The following USP15 variants were observed in gnomAD, a reference collection of about 807,000 sequenced individuals.
The protein encoded by USP15 is ubiquitin specific peptidase 15.
In USP15, 18 loss-of-function variants were observed where a neutral mutation model predicts 127.1. The ratio of observed to expected loss-of-function variants is 0.14; its 90% CI spans 0.10 to 0.21. USP15 has a LOEUF of 0.21. USP15 is among the 10% of genes least tolerant of loss of function. USP15 has a pLI of 1.00. For synonymous variants in USP15, 364 were observed against 393.7 expected, an observed-to-expected ratio of 0.92 and a Z score of 0.89; for missense variants, 805 against 1,159.9, an observed-to-expected ratio of 0.69 and a Z score of 4.44.
rs2063901698 is a variant in USP15, at chr12:62,289,732, T to TGTGC, written c.90-4444_90-4443insCGTG. ...GTGTGTGTGTGTGTGTGTGTGTGTGTGTGTGTTTAGACAGCAGTATAAACT... is the reference window on the plus strand; with the variant it reads ...GTGTGTGTGTGTGTGTGTGTGTGTGTGTGCGTGTGTTTAGACAGCAGTATAAACT... On this transcript the variant is annotated intron_variant, in intron 1 of 21. Transcript: ENST00000280377. Among the ~76,000 whole-genome samples, 4 of 151,702 alleles carry TGTGC rather than the reference T, an allele frequency of 2.6e-5. No individual in the cohort carries two copies. The South Asian group carries it at 6.2e-4, about 24-fold the overall frequency.
intron 20 of USP15, among the ~76,000 whole-genome samples, chr12:62,397,960 T>G (rs2067548016): frequency 6.6e-6 from 1 of 150,738 alleles, no homozygotes; most frequent in Non-Finnish European, 1.5e-5. Context: ...TTGTATGTAT[T>G]TATACTTTAT....
chr12:62,321,683 C>T, intron 5 of USP15, 74 bp downstream of exon 5: 1 of 1,272,850 alleles, frequency 7.9e-7, no homozygotes, highest in Non-Finnish European at 1.0e-6. Flanking sequence ...ATTATCCTGG[C>T]AATATATAAT....
intron 6 of USP15, chr12:62,336,754 G>C (rs191996730): frequency 6.4e-6 from 1 of 156,438 alleles, no homozygotes; most frequent in Admixed American, 6.5e-5. Context: ...CTAAATTCTT[G>C]TATATTCTTC....
At position 62,415,926 on chromosome 12, in the gene USP15, A is replaced by G. The variant is rs1431004996; in HGVS notation, c.*11551A>G. The G allele has an allele frequency of 6.6e-6, 1 of 152,216 alleles. No homozygotes were observed. Among genetic ancestry groups the G allele is most frequent in the Non-Finnish European group, 1.5e-5 (1 of 68,030 alleles). 9.4% of individuals were successfully genotyped at this position (152,216 alleles called of 1,614,324 possible). On this transcript the variant is annotated 3_prime_UTR_variant, in exon 22 of 22. Transcript: ENST00000280377. ...CTATGGGAATGATTGTTCCTTCCTT[A>G]TGAATGAGAGCAGCTCTCTGTTCAA... is the stretch of plus-strand genomic sequence containing the variant.
At chr12:62,334,731 T>C (rs770347885) in intron 6 of USP15, among the ~76,000 whole-genome samples, 2 of 152,200 alleles carry the variant, frequency 1.3e-5, no homozygotes, top group African/African-American at 4.8e-5. Context: ...CAATGTTGGG[T>C]TTGAAAATAT....
intron 6 of USP15, among the ~76,000 whole-genome samples, chr12:62,337,840 C>G (rs2065519837): frequency 6.6e-6 from 1 of 152,128 alleles, no homozygotes; most frequent in Admixed American, 6.5e-5. Context: ...CATAGTATTC[C>G]ATGGTGTATA....
intron 3 of USP15, chr12:62,303,643 G>A (rs921891417): frequency 6.7e-6 from 1 of 149,596 alleles, no homozygotes; most frequent in African/African-American, 2.5e-5. Context: ...TTAAAAAGTT[G>A]GATTAGGTAA....
In USP15 at chr12:62,391,310, C is replaced by G. The variant is rs376173861; in HGVS notation, c.2114C>G (p.Thr705Arg). Residue 705 changes from threonine (T) to arginine (R), a missense_variant, in exon 16 of 22, where the codon ACG (threonine) becomes AGG (arginine). Around this residue, in one of 11 missense-constraint regions of USP15, gnomAD observed 225 missense variants for 239.5 expected, o/e 0.94. Transcript: ENST00000280377. ...GAGGATACTTGCAAAGGTCAACTCA[C>G]GGGACACAAAAAACGATTGTTTACA... is the stretch of plus-strand genomic sequence containing the variant. ...CTEDTCKGQLTGHKKRLFTFQ... is the reference protein window; with the variant it reads ...CTEDTCKGQLRGHKKRLFTFQ... 3 of 1,613,218 alleles carry G rather than the reference C, an allele frequency of 1.9e-6. No homozygotes were observed. In the East Asian group the frequency reaches 6.7e-5, roughly 36 times the overall value.
rs1238567126 is a variant in USP15 at position 62,414,147 on chromosome 12, TAATG to T, written c.*9775_*9778del. 6.6e-6 allele frequency: 1 copy of T among 152,096 alleles called. No homozygotes were observed. The highest frequency in any genetic ancestry group is 1.5e-5 in the Non-Finnish European group (1 of 68,022). The allele number at this position is 152,096 out of a possible 1,614,324, so 9.4% of individuals were successfully genotyped here. ...CAGATCACCGTAACAGATACAATAA[TAATG>T]AAGACATTTGAAATGTGAGAAGTAC... On this transcript the variant is annotated 3_prime_UTR_variant, in exon 22 of 22. Coordinates refer to ENST00000280377, the MANE Select transcript of USP15 (RefSeq NM_001252078.2).
chr12:62,292,853 C>T (rs903582187), intron 1 of USP15, among the ~76,000 whole-genome samples: 3 of 152,164 alleles, frequency 2.0e-5, no homozygotes, highest in African/African-American at 7.2e-5. Flanking sequence ...TTATTGGGAA[C>T]CCTGCAGCAC....
intron 8 of USP15, among the ~76,000 whole-genome samples, chr12:62,378,724 A>G (rs931652247): frequency 6.6e-6 from 1 of 152,190 alleles, no homozygotes; most frequent in Admixed American, 6.5e-5. Context: ...TACTGCCCGT[A>G]TGGTTTAGTA....
rs2067934693 is a variant in USP15, at chr12:62,408,173, G to T, written c.*3798G>T. ...AGTGGTACACCAAAGGGAGTGTAGGGTGTAGTAGGAGCTCTCTGCCTCCGA... is the reference window on the plus strand; with the variant it reads ...AGTGGTACACCAAAGGGAGTGTAGGTTGTAGTAGGAGCTCTCTGCCTCCGA... On this transcript the variant is annotated 3_prime_UTR_variant, in exon 22 of 22. Coordinates refer to ENST00000280377, the MANE Select transcript of USP15 (RefSeq NM_001252078.2). The T allele has an allele frequency of 6.6e-6, 1 of 152,118 alleles. No individual in the cohort carries two copies. The highest frequency in any genetic ancestry group is 2.4e-5 in the African/African-American group (1 of 41,418). The allele number at this position is 152,118 out of a possible 1,614,324, so 9.4% of individuals were successfully genotyped here. A position where few individuals can be genotyped will look rare whatever the true frequency, so the allele number is the denominator to read the frequency against.
rs563341223 is a variant in USP15 at position 62,367,482 on chromosome 12, C to T, written c.915+12007C>T. On this transcript the variant is annotated intron_variant, in intron 8 of 21. Transcript: ENST00000280377. The stretch of plus-strand genomic sequence containing the variant: ...GACCTCGTGATCCGCCTGCCTTGGC[C>T]TCCCAAAGAAATTTCAGACTTTTTT... Among the ~76,000 whole-genome samples the T allele has an allele frequency of 2.0e-5, 3 of 152,226 alleles. No homozygotes were observed. In the East Asian group the frequency reaches 5.8e-4, roughly 29 times the overall value.
At chr12:62,320,843 A>G (rs2064965767) in intron 4 of USP15, among the ~76,000 whole-genome samples, 2 of 152,066 alleles carry the variant, frequency 1.3e-5, no homozygotes, top group South Asian at 2.1e-4. Flanking sequence ...TTTGATTACT[A>G]TTTTCTTGAG....
intron 8 of USP15, 112 bp from the exon 9 acceptor site, chr12:62,381,378 A>T: frequency 1.1e-6 from 1 of 882,286 alleles, no homozygotes; most frequent in Non-Finnish European, 1.6e-6. Context: ...ACCATCATTT[A>T]AATGTTCTCT....
chr12:62,276,620 C>G (rs1014930534), intron 1 of USP15, among the ~76,000 whole-genome samples: 6 of 151,864 alleles, frequency 4.0e-5, no homozygotes, highest in South Asian at 2.1e-4. Flanking sequence ...ACTGGTTGCT[C>G]TAGTTACCAA....
chr12:62,361,847 T>A (rs2066328356), intron 8 of USP15, among the ~76,000 whole-genome samples: 1 of 152,028 alleles, frequency 6.6e-6, no homozygotes, highest in Non-Finnish European at 1.5e-5. Context: ...TAAACTATTC[T>A]GGGCAGGGGA....
intron 3 of USP15, chr12:62,303,157 A>G: frequency 6.7e-6 from 2 of 299,704 alleles, no homozygotes; most frequent in Non-Finnish European, 1.3e-5. Context: ...AAAACTCTGT[A>G]AGGTAAGTAG....
chr12:62,396,799 T>C (rs2067505744), intron 20 of USP15, among the ~76,000 whole-genome samples: 1 of 152,208 alleles, frequency 6.6e-6, no homozygotes, highest in African/African-American at 2.4e-5. Context: ...TGTTGCTTTG[T>C]GTCCATTTAG....
Sources: allele counts gnomAD v4.1 joint callset (sites outside exome capture counted in the v4.1 genomes callset), GRCh38; gene constraint gnomAD v4.1.1; regional missense constraint gnomAD v4.1.1; transcripts MANE v1.5; gene names NCBI Gene and HGNC (gene_info 2026-07-23, HGNC 2026-07-21).